Variants in RNF170 observed in about 807,000 individuals in gnomAD.
RNF170 encodes E3 ubiquitin-protein ligase RNF170.
Under a neutral mutation model 32.7 loss-of-function variants are expected in RNF170, and 12 were observed. The observed-to-expected ratio is 0.37, with a 90% CI of 0.24 to 0.60. The LOEUF is 0.60. RNF170 is among the 20% of genes least tolerant of loss of function. RNF170 has a pLI of 0.72. For missense variants in RNF170, 212 were observed against 311.2 expected (o/e 0.68, Z 2.40); for synonymous variants, 91 against 103.6 (o/e 0.88, Z 0.74).
intron 3 of RNF170, among the ~76,000 whole-genome samples, chr8:42,872,494 G>A (rs1411644660): frequency 6.6e-6 from 1 of 152,164 alleles, no homozygotes; most frequent in African/African-American, 2.4e-5. Flanking sequence ...CCAGGCTGGA[G>A]TGCAGTGGCG....
At chr8:42,896,748 A>AGCAGCGGCG, upstream of RNF170, 1 of 145,712 alleles carries the variant, frequency 6.9e-6, no homozygotes, top group African/African-American at 2.5e-5. Context: ...GCCCGGCGGC[A>AGCAGCGGCG]GCGGCGGCGG....
intron 2 of RNF170, among the ~76,000 whole-genome samples, chr8:42,879,328 A>C (rs1285548440): frequency 6.6e-6 from 1 of 152,164 alleles, no homozygotes; most frequent in Admixed American, 6.5e-5. Context: ...ACCTTCTGGA[A>C]AGGATCCCCC....
At chr8:42,851,391 CCT>C (rs1802937994), downstream of RNF170, among the ~76,000 whole-genome samples, 2 of 151,630 alleles carry the variant, frequency 1.3e-5, no homozygotes. Context: ...TAGTAGAAAC[CCT>C]GTCTCTACTA....
chr8:42,879,680 T>TC (rs1805228523), intron 2 of RNF170, among the ~76,000 whole-genome samples: 1 of 148,802 alleles, frequency 6.7e-6, no homozygotes, highest in Non-Finnish European at 1.5e-5. Context: ...TAAAATAACT[T>TC]TTTTTTTTTT....
At chr8:42,893,950 C>T (rs1806524178) in intron 1 of RNF170, among the ~76,000 whole-genome samples, 1 of 152,104 alleles carries the variant, frequency 6.6e-6, no homozygotes, top group African/African-American at 2.4e-5. Context: ...AAGTTCAACT[C>T]ACCTCTCCTC....
At chr8:42,885,935 T>A (rs1407419304) in intron 2 of RNF170, among the ~76,000 whole-genome samples, 2 of 152,016 alleles carry the variant, frequency 1.3e-5, no homozygotes, top group Non-Finnish European at 2.9e-5. Flanking sequence ...TTTAAAATTT[T>A]TGGTAGGCCA....
chr8:42,882,987 T>TG (rs951832208), intron 2 of RNF170, among the ~76,000 whole-genome samples: 17 of 151,538 alleles, frequency 1.1e-4, no homozygotes, highest in African/African-American at 1.5e-4. Flanking sequence ...CATTTGAGCC[T>TG]GGGGGGCGAA....
chr8:42,892,545 T>C (rs1252978927), intron 1 of RNF170, among the ~76,000 whole-genome samples: 1 of 152,218 alleles, frequency 6.6e-6, no homozygotes, highest in Admixed American at 6.5e-5. Flanking sequence ...GTAGATACTG[T>C]GCTCAATTGC....
upstream of RNF170, chr8:42,896,976 G>A (rs1434124420): frequency 4.4e-6 from 2 of 456,368 alleles, no homozygotes; most frequent in East Asian, 7.2e-5. Flanking sequence ...GGGTGACGGT[G>A]CGGAGCCGCT....
chr8:42,851,122 C>T, downstream of RNF170: 1 of 1,403,220 alleles, frequency 7.1e-7, no homozygotes, highest in Non-Finnish European at 9.6e-7. Flanking sequence ...CCTTCCAGCT[C>T]CCTGGGCTCT....
intron 2 of RNF170, among the ~76,000 whole-genome samples, chr8:42,883,138 T>C (rs912604844): frequency 3.3e-5 from 5 of 151,516 alleles, no homozygotes; most frequent in Non-Finnish European, 7.4e-5. Context: ...ATAATAGACA[T>C]CAGGAACTTC....
chr8:42,861,727 TGCTTTA>T lies in RNF170; in HGVS notation c.507+12_507+17del. On this transcript the variant is annotated intron_variant, in intron 6 of 6. Transcript: ENST00000527424. ...ATGTGTCTTCCTCTAACTTTGAACA[TGCTTTA>T]GCATTACTTACAGATCTGGGTTGCC... The T allele has an allele frequency of 6.5e-7, 1 of 1,547,554 alleles. No homozygotes were observed. The highest frequency in any genetic ancestry group is 1.1e-5 in the South Asian group (1 of 89,718).
At chr8:42,861,515 G>A in intron 6 of RNF170, 1 of 464,030 alleles carries the variant, frequency 2.2e-6, no homozygotes, top group Non-Finnish European at 4.0e-6. Flanking sequence ...CAATTTTTTG[G>A]TGTTTTTTCT....
intron 1 of RNF170, among the ~76,000 whole-genome samples, chr8:42,891,547 T>A (rs564950917): frequency 6.6e-6 from 1 of 152,348 alleles, no homozygotes; most frequent in South Asian, 2.1e-4. Context: ...TCATTATAAC[T>A]GTACATTAAG....
At chr8:42,888,168 C>A (rs1376911375) in intron 1 of RNF170, among the ~76,000 whole-genome samples, 1 of 151,994 alleles carries the variant, frequency 6.6e-6, no homozygotes, top group East Asian at 2.0e-4. Context: ...CGGGTTCAAG[C>A]AATTCCCCTC....
rs11989986 is a variant in RNF170, at chr8:42,870,035, C to G, written c.291G>C (p.Pro97=). 1.2e-6 allele frequency: 2 copies of G among 1,614,058 alleles called. No individual in the cohort carries two copies. Among genetic ancestry groups the G allele is most frequent in the African/African-American group, 1.3e-5 (1 of 75,004 alleles). Residue 97 remains proline (P), a synonymous_variant, in exon 4 of 7, where the codon CCG becomes CCC. Coordinates refer to ENST00000527424, the MANE Select transcript of RNF170 (RefSeq NM_030954.4). Reference sequence around the variant, plus strand: ...AAAGATGTCCACAGTTGGTCTCCACCGGGAAGGAGGCTTGGTGCAGGCAGA... The same window carrying G: ...AAAGATGTCCACAGTTGGTCTCCACGGGGAAGGAGGCTTGGTGCAGGCAGA... ...CPICLHQASF[P]VETNCGHLFC...
chr8:42,875,566 T>C (rs371179345), intron 2 of RNF170, among the ~76,000 whole-genome samples: 2 of 152,340 alleles, frequency 1.3e-5, no homozygotes, highest in East Asian at 3.9e-4. Context: ...TGAACTCTGT[T>C]TAAACCTGTT....
chr8:42,867,368 G>A (rs1293423611), intron 4 of RNF170, among the ~76,000 whole-genome samples: 1 of 151,242 alleles, frequency 6.6e-6, no homozygotes, highest in African/African-American at 2.4e-5. Context: ...CTACTTGGGA[G>A]GTTGATGCAG....
chr8:42,865,024 A>T (rs1417419835), intron 5 of RNF170, among the ~76,000 whole-genome samples: 1 of 151,630 alleles, frequency 6.6e-6, no homozygotes, highest in Non-Finnish European at 1.5e-5. Context: ...TTGGAGGCTG[A>T]GGCAGGAGGA....
Sources: gnomAD v4.1 joint callset for allele counts (sites outside exome capture counted in the v4.1 genomes callset) on GRCh38, gnomAD v4.1.1 for gene constraint, MANE v1.5 for transcripts, NCBI Gene and HGNC (gene_info 2026-07-23, HGNC 2026-07-21) for gene names.